Variants in FRAS1 observed in about 807,000 individuals in gnomAD.
The protein encoded by FRAS1 is Fraser extracellular matrix complex subunit 1, also known as extracellular matrix organizing protein FRAS1.
A neutral mutation model predicts 435.2 loss-of-function variants in FRAS1; 290 were observed. That is an observed-to-expected ratio of 0.67 (90% CI 0.61 to 0.73). FRAS1 has a LOEUF of 0.73. FRAS1 is among the 30% of genes least tolerant of loss of function. FRAS1 has a pLI of 0.00. For missense variants in FRAS1, 4,860 were observed against 5,001.5 expected (o/e 0.97, Z 0.85); for synonymous variants, 1,800 against 1,851.0 (o/e 0.97, Z 0.71).
intron 29 of FRAS1, among the ~76,000 whole-genome samples, chr4:78,400,426 G>A (rs13131912): frequency 0.14 from 21,223 of 152,132 alleles, 1,868 homozygotes; most frequent in African/African-American, 0.25. Flanking sequence ...ATATGGGTGG[G>A]TGGAGAGGAT....
chr4:78,400,493 A>C (rs1732839227), intron 29 of FRAS1, among the ~76,000 whole-genome samples: 1 of 152,338 alleles, frequency 6.6e-6, no homozygotes, highest in Non-Finnish European at 1.5e-5. Context: ...TAGTCTTTCT[A>C]AATAAGTTGT....
At chr4:78,066,081 G>A in intron 2 of FRAS1, 65 bp downstream of exon 2, 1 of 1,070,012 alleles carries the variant, frequency 9.3e-7, no homozygotes, top group Non-Finnish European at 1.4e-6. Flanking sequence ...TGAAGTTCCT[G>A]AGTGAGTGAG....
chr4:78,075,626 G>A (rs1740601878), intron 2 of FRAS1, among the ~76,000 whole-genome samples: 1 of 152,178 alleles, frequency 6.6e-6, no homozygotes, highest in Admixed American at 6.5e-5. Context: ...CTCTGGGCAA[G>A]TTACTTACCT....
At chr4:78,428,962 A>T (rs796374064) in intron 35 of FRAS1, 133 bp from the exon 36 acceptor site, 18 of 827,096 alleles carry the variant, frequency 2.2e-5, no homozygotes, top group Non-Finnish European at 2.2e-5. Context: ...AAAGTAGTGC[A>T]AAAAAGTTTC....
chr4:78,279,504 A>T (rs183974507), intron 10 of FRAS1, among the ~76,000 whole-genome samples: 1 of 151,322 alleles, frequency 6.6e-6, no homozygotes, highest in Non-Finnish European at 1.5e-5. Context: ...GCAAAGGGCA[A>T]TGGTGGCTTG....
In FRAS1 at chr4:78,513,468, C is replaced by T. The variant is rs1560420714; in HGVS notation, c.10090C>T (p.His3364Tyr). ...LISTMPLHNL[H>Y]FLLSESIYRH... ...CTCCACCATGCCGTTGCACAACTTA[C>T]ATTTTCTACTGTCTGAGTCCATCTA... Residue 3364 changes from histidine (H) to tyrosine (Y), a missense_variant, in exon 65 of 74, where the codon CAT becomes TAT. Transcript: ENST00000512123. 2 of 1,613,940 alleles carry T rather than the reference C, an allele frequency of 1.2e-6. No individual in the cohort carries two copies. Among genetic ancestry groups the T allele is most frequent in the South Asian group, 1.1e-5 (1 of 91,088 alleles).
At chr4:78,380,787 A>G (rs1731983642) in intron 27 of FRAS1, among the ~76,000 whole-genome samples, 1 of 152,194 alleles carries the variant, frequency 6.6e-6, no homozygotes, top group Non-Finnish European at 1.5e-5. Context: ...TACTGTCAAC[A>G]CTAACCTTGA....
intron 6 of FRAS1, among the ~76,000 whole-genome samples, chr4:78,256,441 G>A (rs1299407734): frequency 1.6e-4 from 25 of 152,226 alleles, no homozygotes; most frequent in Admixed American, 1.6e-3. Context: ...CCCATTTTGG[G>A]GCCTAGTCCC....
chr4:78,154,810 C>T (rs17420118), intron 2 of FRAS1, among the ~76,000 whole-genome samples: 13,567 of 152,174 alleles, frequency 0.089, 799 homozygotes, highest in Non-Finnish European at 0.13. Context: ...AGTTAGTATG[C>T]GCAGTTCCAT....
intron 58 of FRAS1, among the ~76,000 whole-genome samples, chr4:78,485,446 A>G (rs1263416360): frequency 6.6e-6 from 1 of 152,214 alleles, no homozygotes; most frequent in African/African-American, 2.4e-5. Context: ...ATTTTCTTTC[A>G]GAAAAGCTAC....
At chr4:78,426,471 G>C (rs986926) in intron 35 of FRAS1, among the ~76,000 whole-genome samples, 87,202 of 151,858 alleles carry the variant, frequency 0.57, 25,371 homozygotes, top group Non-Finnish European at 0.62. Context: ...AAGCCATGTC[G>C]TTTTGGAGAG....
At chr4:78,089,119 G>A (rs1578115865) in intron 2 of FRAS1, among the ~76,000 whole-genome samples, 1 of 152,070 alleles carries the variant, frequency 6.6e-6, no homozygotes, top group South Asian at 2.1e-4. Flanking sequence ...ATGAGTTCAT[G>A]TCCTTTGTAG....
intron 2 of FRAS1, among the ~76,000 whole-genome samples, chr4:78,196,290 A>G (rs1470769217): frequency 6.6e-6 from 1 of 152,210 alleles, no homozygotes; most frequent in Non-Finnish European, 1.5e-5. Flanking sequence ...TACAGGTGTG[A>G]TCCACCTTGC....
intron 2 of FRAS1, among the ~76,000 whole-genome samples, chr4:78,220,862 A>G (rs1386837973): frequency 6.6e-6 from 1 of 152,110 alleles, no homozygotes; most frequent in African/African-American, 2.4e-5. Flanking sequence ...CTTTCTTTTT[A>G]AAGAAATTAA....
chr4:78,192,618 AT>A (rs1246671415), intron 2 of FRAS1, among the ~76,000 whole-genome samples: 1 of 152,112 alleles, frequency 6.6e-6, no homozygotes, highest in African/African-American at 2.4e-5. Flanking sequence ...AGGTGGTGAT[AT>A]CCCCTTTGTC....
intron 14 of FRAS1, among the ~76,000 whole-genome samples, chr4:78,301,376 TAA>T (rs35333600): frequency 0.29 from 41,130 of 140,146 alleles, 6,375 homozygotes; most frequent in Admixed American, 0.37. Flanking sequence ...GCTTGAAGAG[TAA>T]AAAAAAAAAA....
chr4:78,308,007 A>G, intron 14 of FRAS1, 59 bp from the exon 15 acceptor site: 1 of 1,506,716 alleles, frequency 6.6e-7, no homozygotes, highest in Admixed American at 2.2e-5. Flanking sequence ...TTTAAAAGAA[A>G]AATGATGACC....
intron 29 of FRAS1, among the ~76,000 whole-genome samples, chr4:78,395,808 C>G (rs1287954544): frequency 1.3e-5 from 2 of 152,078 alleles, no homozygotes; most frequent in Non-Finnish European, 2.9e-5. Flanking sequence ...TCTGTCCATT[C>G]AGCCACTCTG....
chr4:78,161,768 A>AAG (rs1721150309), intron 2 of FRAS1, among the ~76,000 whole-genome samples: 1 of 140,746 alleles, frequency 7.1e-6, no homozygotes, highest in African/African-American at 2.8e-5. Flanking sequence ...AAAAAAAAAA[A>AAG]AAAAGAAAAG....
Sources: allele counts gnomAD v4.1 joint callset (sites outside exome capture counted in the v4.1 genomes callset), GRCh38; gene constraint gnomAD v4.1.1; transcripts MANE v1.5; gene names NCBI Gene and HGNC (gene_info 2026-07-23, HGNC 2026-07-21).